The following RPS6KA2 variants were observed in gnomAD, a reference collection of about 807,000 sequenced individuals.
The protein encoded by RPS6KA2 is ribosomal protein S6 kinase A2.
Under a neutral mutation model 91.8 loss-of-function variants are expected in RPS6KA2, and 42 were observed. The ratio of observed to expected loss-of-function variants is 0.46; its 90% CI spans 0.36 to 0.59. RPS6KA2 has a LOEUF of 0.59. Among genes scored for constraint, RPS6KA2 ranks in the 20% least tolerant of loss-of-function variants. The pLI, the probability that RPS6KA2 is intolerant of heterozygous loss-of-function variation, is 0.00. For missense variants in RPS6KA2, 798 were observed against 978.5 expected, an observed-to-expected ratio of 0.82 and a Z score of 2.46; for synonymous variants, 414 against 393.6, an observed-to-expected ratio of 1.05 and a Z score of -0.61.
At chr6:166,606,066 C>G (rs1372356655) in intron 1 of RPS6KA2, among the ~76,000 whole-genome samples, 1 of 152,220 alleles carries the variant, frequency 6.6e-6, no homozygotes, top group African/African-American at 2.4e-5. Flanking sequence ...CATGGTAGGA[C>G]TGCGGGGCTG....
At chr6:166,424,714 T>A (rs1358382496) in intron 16 of RPS6KA2, among the ~76,000 whole-genome samples, 2 of 152,234 alleles carry the variant, frequency 1.3e-5, no homozygotes, top group Admixed American at 1.3e-4. Flanking sequence ...AAGTGCAGCC[T>A]GGATCACGGT....
chr6:166,442,848 C>T (rs1232632031), intron 14 of RPS6KA2, among the ~76,000 whole-genome samples: 1 of 152,180 alleles, frequency 6.6e-6, no homozygotes, highest in African/African-American at 2.4e-5. Flanking sequence ...ATACTAGTGA[C>T]ACAAGCTAAC....
intron 2 of RPS6KA2, among the ~76,000 whole-genome samples, chr6:166,709,366 G>A (rs989731948): frequency 1.3e-5 from 2 of 150,022 alleles, no homozygotes; most frequent in East Asian, 1.9e-4. Context: ...GTTGGCTCAC[G>A]CCTGTCATCC....
intron 2 of RPS6KA2, among the ~76,000 whole-genome samples, chr6:166,822,579 C>T (rs1010783079): frequency 2.0e-5 from 3 of 152,186 alleles, no homozygotes; most frequent in Non-Finnish European, 2.9e-5. Flanking sequence ...TAGACACAGA[C>T]ACAAACGATT....
chr6:166,745,709 C>CA (rs1003144390), intron 2 of RPS6KA2, among the ~76,000 whole-genome samples: 30 of 152,182 alleles, frequency 2.0e-4, no homozygotes, highest in Admixed American at 1.1e-3. Context: ...GGCGCTGCGG[C>CA]AAAAATGCTG....
chr6:166,588,299 G>A (rs914826740), intron 1 of RPS6KA2, among the ~76,000 whole-genome samples: 1 of 152,224 alleles, frequency 6.6e-6, no homozygotes, highest in Non-Finnish European at 1.5e-5. Context: ...CTATGAGTGT[G>A]TGCAGCTGCT....
chr6:166,822,444 A>G (rs922304400), intron 2 of RPS6KA2, among the ~76,000 whole-genome samples: 4 of 152,244 alleles, frequency 2.6e-5, no homozygotes, highest in Admixed American at 6.5e-5. Context: ...GGCAAGCCAA[A>G]GAGAGGTGGG....
At chr6:166,561,603 CA>C (rs1784346855) in intron 1 of RPS6KA2, among the ~76,000 whole-genome samples, 1 of 151,818 alleles carries the variant, frequency 6.6e-6, no homozygotes, top group Admixed American at 6.6e-5. Flanking sequence ...CAGTTTCTAG[CA>C]GGCAAGACGG....
chr6:166,862,481 G>A, exon 1 of RPS6KA2: 1 of 849,832 alleles, frequency 1.2e-6, no homozygotes, highest in Non-Finnish European at 1.6e-6. Flanking sequence ...GAAAGGAGGG[G>A]ACGGCGCTGC....
intron 2 of RPS6KA2, among the ~76,000 whole-genome samples, chr6:166,731,442 G>A (rs1790513717): frequency 6.6e-6 from 1 of 151,510 alleles, no homozygotes; most frequent in South Asian, 2.1e-4. Flanking sequence ...GATTAAAAGG[G>A]GGAAGGAGGG....
At chr6:166,704,104 T>C (rs1481465764) in intron 2 of RPS6KA2, among the ~76,000 whole-genome samples, 9 of 152,194 alleles carry the variant, frequency 5.9e-5, no homozygotes, top group Non-Finnish European at 1.3e-4. Context: ...GAGAGTTATA[T>C]CCGGAAAAGA....
chr6:166,720,502 G>A (rs903233920), intron 2 of RPS6KA2, among the ~76,000 whole-genome samples: 9 of 152,116 alleles, frequency 5.9e-5, no homozygotes, highest in African/African-American at 1.9e-4. Flanking sequence ...CTGCAGAAAC[G>A]GAGCTGTCAG....
In RPS6KA2 at chr6:166,825,339, A is replaced by G. The variant is rs1403703638; in HGVS notation, c.123+32861T>C. The stretch of plus-strand genomic sequence containing the variant: ...GGGGAAGGCGACTATTCTGAAGAGA[A>G]TAACTTTAACCTCTCATTCCCAGGT... On this transcript the variant is annotated intron_variant, in intron 2 of 21. Coordinates refer to the RPS6KA2 transcript ENST00000503859. This position sits in a 1 kb window ranked among gnomAD's most constrained non-coding sequence, Gnocchi z 4.1. 6.6e-6 allele frequency among the ~76,000 whole-genome samples: 1 copy of G among 152,210 alleles called. No homozygotes were observed. Among genetic ancestry groups the G allele is most frequent in the South Asian group, 2.1e-4 (1 of 4,828 alleles).
intron 2 of RPS6KA2, among the ~76,000 whole-genome samples, chr6:166,724,416 G>T (rs1229500009): frequency 6.6e-6 from 1 of 150,678 alleles, no homozygotes; most frequent in Non-Finnish European, 1.5e-5. Context: ...AACCTTGCTT[G>T]TTATTCATAT....
intron 2 of RPS6KA2, among the ~76,000 whole-genome samples, chr6:166,750,111 C>T (rs1002423182): frequency 4.6e-5 from 7 of 152,266 alleles, no homozygotes; most frequent in Admixed American, 2.6e-4. Context: ...GTGCCCATGC[C>T]GGAGAGAAGT....
chr6:166,750,729 C>T (rs13210321), intron 2 of RPS6KA2, among the ~76,000 whole-genome samples: 1 of 152,138 alleles, frequency 6.6e-6, no homozygotes, highest in African/African-American at 2.4e-5. Flanking sequence ...ACGGAAGTCT[C>T]CAGCCCTCAT....
chr6:166,843,677 C>T (rs1780542088), intron 2 of RPS6KA2, among the ~76,000 whole-genome samples: 1 of 152,168 alleles, frequency 6.6e-6, no homozygotes, highest in African/African-American at 2.4e-5. Flanking sequence ...AAAACAATCA[C>T]TACAGTTCAG....
At chr6:166,697,057 ATGTGTG>A (rs3071132) in intron 2 of RPS6KA2, among the ~76,000 whole-genome samples, 4 of 149,552 alleles carry the variant, frequency 2.7e-5, no homozygotes, top group Admixed American at 6.7e-5. Context: ...GTGTATATAT[ATGTGTG>A]TGTGTGTGTG....
rs527448873 is a variant in RPS6KA2, at chr6:166,648,015, TAC to T, written c.124-109233_124-109232del. 2.1e-3 allele frequency among the ~76,000 whole-genome samples: 230 copies of T among 107,028 alleles called. 2 individuals carry two copies. The Middle Eastern group carries it at 0.023, about 11-fold the overall frequency. 70.2% of individuals were successfully genotyped at this position (107,028 alleles called of 152,430 possible). ...GCACATGCTCACACACGCACATGCT[TAC>T]ACACATACATACACACATGCTCTCA... is the stretch of plus-strand genomic sequence containing the variant. On this transcript the variant is annotated intron_variant, in intron 2 of 21. Transcript: ENST00000503859. This position sits in a 1 kb window ranked among gnomAD's most constrained non-coding sequence, Gnocchi z 4.8.
Sources: gnomAD v4.1 joint callset for allele counts (sites outside exome capture counted in the v4.1 genomes callset) on GRCh38, gnomAD v4.1.1 for gene constraint, Gnocchi (gnomAD v3.1) non-coding constraint, MANE v1.5 for transcripts, NCBI Gene and HGNC (gene_info 2026-07-23, HGNC 2026-07-21) for gene names.